Variants in PIK3C2G observed in about 807,000 individuals in gnomAD.
PIK3C2G encodes the protein phosphatidylinositol-4-phosphate 3-kinase catalytic subunit type 2 gamma, also known as phosphatidylinositol 3-kinase C2 domain-containing subunit gamma.
Under a neutral mutation model 181.1 loss-of-function variants are expected in PIK3C2G, and 168 were observed. The observed-to-expected ratio is 0.93, with a 90% CI of 0.82 to 1.05. PIK3C2G has a LOEUF of 1.05. Among genes scored for constraint, PIK3C2G ranks in the 50% least tolerant of loss-of-function variants. The pLI, the probability that PIK3C2G is intolerant of heterozygous loss-of-function variation, is 0.00. For synonymous variants in PIK3C2G, 573 were observed against 592.2 expected, an observed-to-expected ratio of 0.97 and a Z score of 0.47; for missense variants, 1,869 against 1,732.8, an observed-to-expected ratio of 1.08 and a Z score of -1.40.
At chr12:18,660,256 T>G in the PIK3C2G span, among the ~76,000 whole-genome samples, 1 of 152,252 alleles carries the variant, frequency 6.6e-6, no homozygotes, top group South Asian at 2.1e-4. Context: ...TGCACACAGC[T>G]TGCCGAAACC....
At chr12:18,599,208 T>C (rs960790430) in intron 30 of PIK3C2G, among the ~76,000 whole-genome samples, 2 of 152,220 alleles carry the variant, frequency 1.3e-5, no homozygotes, top group Non-Finnish European at 2.9e-5. Context: ...CGTATGCTTA[T>C]TGCGGCATTA....
At chr12:18,342,961 CT>C (rs1939280461) in intron 9 of PIK3C2G, among the ~76,000 whole-genome samples, 1 of 151,974 alleles carries the variant, frequency 6.6e-6, no homozygotes, top group Non-Finnish European at 1.5e-5. Flanking sequence ...CTGTCCAAAG[CT>C]TGCTGAATAA....
At chr12:18,269,527 T>G (rs902713929) in intron 1 of PIK3C2G, among the ~76,000 whole-genome samples, 1 of 152,172 alleles carries the variant, frequency 6.6e-6, no homozygotes, top group Non-Finnish European at 1.5e-5. Context: ...GTAAGGAGAT[T>G]TCATTTAAGA....
intron 18 of PIK3C2G, among the ~76,000 whole-genome samples, chr12:18,457,509 A>G (rs568160559): frequency 3.9e-5 from 6 of 152,194 alleles, no homozygotes; most frequent in African/African-American, 1.4e-4. Flanking sequence ...TCCTAACCAC[A>G]TCATGATTTT....
At chr12:18,343,762 T>G (rs1471740520) in intron 10 of PIK3C2G, among the ~76,000 whole-genome samples, 1 of 152,138 alleles carries the variant, frequency 6.6e-6, no homozygotes, top group African/African-American at 2.4e-5. Flanking sequence ...GTCATCCACT[T>G]CAAATTTGAA....
At chr12:18,277,344 G>A (rs1334560672) in intron 1 of PIK3C2G, among the ~76,000 whole-genome samples, 2 of 151,438 alleles carry the variant, frequency 1.3e-5, no homozygotes, top group East Asian at 1.9e-4. Context: ...AGAGAGACTT[G>A]GGAATTTCAG....
At chr12:18,695,865 A>G in the PIK3C2G span, among the ~76,000 whole-genome samples, 1 of 152,096 alleles carries the variant, frequency 6.6e-6, no homozygotes, top group Non-Finnish European at 1.5e-5. Flanking sequence ...TTCAATGTCC[A>G]TTTGGGTTTC....
At chr12:18,423,288 A>C (rs754324609) in intron 17 of PIK3C2G, among the ~76,000 whole-genome samples, 9 of 152,196 alleles carry the variant, frequency 5.9e-5, no homozygotes, top group Non-Finnish European at 7.4e-5. Context: ...GATTCCTGGG[A>C]TGATGATAGC....
At chr12:18,574,340 G>A (rs1422588205) in intron 29 of PIK3C2G, among the ~76,000 whole-genome samples, 1 of 152,282 alleles carries the variant, frequency 6.6e-6, no homozygotes, top group Non-Finnish European at 1.5e-5. Context: ...TGTCACCCAT[G>A]AGAACCCATT....
At chr12:18,489,421 T>C (rs971190599) in intron 19 of PIK3C2G, among the ~76,000 whole-genome samples, 3 of 152,098 alleles carry the variant, frequency 2.0e-5, no homozygotes, top group Admixed American at 6.6e-5. Context: ...ACAAGAATTT[T>C]CAACAAAATG....
At chr12:18,422,131 C>T (rs1179145053) in intron 17 of PIK3C2G, among the ~76,000 whole-genome samples, 2 of 152,048 alleles carry the variant, frequency 1.3e-5, no homozygotes, top group African/African-American at 2.4e-5. Context: ...TGAGTAAGTA[C>T]ACTTGGCATC....
intron 8 of PIK3C2G, among the ~76,000 whole-genome samples, chr12:18,331,923 C>T (rs551948115): frequency 2.6e-5 from 4 of 152,038 alleles, no homozygotes; most frequent in South Asian, 2.1e-4. Flanking sequence ...TACAAATGCA[C>T]GTATGGTTTT....
In PIK3C2G at chr12:18,346,619, A is replaced by G. The variant is rs376821528; in HGVS notation, c.1430-22A>G. 16 of 1,488,760 alleles carry G rather than the reference A, an allele frequency of 1.1e-5. No homozygotes were observed. In the African/African-American group the frequency reaches 1.9e-4, roughly 18 times the overall value. 92.2% of individuals were successfully genotyped at this position (1,488,760 alleles called of 1,614,324 possible). On this transcript the variant is annotated intron_variant, in intron 10 of 32. Transcript: ENST00000538779. ...AAATATGGCCCTTCTTAGTGACTTG[A>G]TCTCTATCTCTTCCTTTCTAGGCTT... is the stretch of plus-strand genomic sequence containing the variant.
chr12:18,318,766 C>T (rs1413472581), intron 6 of PIK3C2G, among the ~76,000 whole-genome samples: 1 of 149,894 alleles, frequency 6.7e-6, no homozygotes, highest in African/African-American at 2.5e-5. Context: ...TAATTTAATC[C>T]TCATTTCAAG....
At chr12:18,323,257 G>C (rs985922426) in intron 7 of PIK3C2G, among the ~76,000 whole-genome samples, 3 of 152,100 alleles carry the variant, frequency 2.0e-5, no homozygotes, top group African/African-American at 7.2e-5. Flanking sequence ...AAACATGTCT[G>C]GGACAGCCTA....
At chr12:18,382,043 A>G (rs1041194548) in intron 14 of PIK3C2G, among the ~76,000 whole-genome samples, 163 bp downstream of exon 14, 4 of 152,218 alleles carry the variant, frequency 2.6e-5, no homozygotes, top group African/African-American at 7.2e-5. Context: ...TTTTATGTAC[A>G]GTACTCTCAA....
downstream of PIK3C2G, among the ~76,000 whole-genome samples, chr12:18,651,376 T>C (rs1471286283): frequency 6.6e-6 from 1 of 152,172 alleles, no homozygotes; most frequent in Non-Finnish European, 1.5e-5. Flanking sequence ...AGATCTTTCC[T>C]ACTCTACACC....
At chr12:18,602,630 C>T (rs572097889) in intron 30 of PIK3C2G, among the ~76,000 whole-genome samples, 1 of 152,130 alleles carries the variant, frequency 6.6e-6, no homozygotes, top group African/African-American at 2.4e-5. Context: ...ATTCCACCCT[C>T]TGCCACCTCA....
At chr12:18,246,146 A>G (rs950969508), upstream of PIK3C2G, among the ~76,000 whole-genome samples, 22 of 152,124 alleles carry the variant, frequency 1.4e-4, no homozygotes, top group Admixed American at 1.4e-3. Flanking sequence ...ATCTTTTGCA[A>G]AATCAAACCA....
Sources: gnomAD v4.1 joint callset for allele counts (sites outside exome capture counted in the v4.1 genomes callset) on GRCh38, gnomAD v4.1.1 for gene constraint, MANE v1.5 for transcripts, NCBI Gene and HGNC (gene_info 2026-07-23, HGNC 2026-07-21) for gene names.